The following NCAM1 variants were observed in gnomAD, a reference collection of about 807,000 sequenced individuals.
The protein encoded by NCAM1 is neural cell adhesion molecule 1.
A neutral mutation model predicts 109.8 loss-of-function variants in NCAM1; 14 were observed. The ratio of observed to expected loss-of-function variants is 0.13; its 90% CI spans 0.08 to 0.20. NCAM1 has a LOEUF of 0.20. NCAM1 is among the 10% of genes least tolerant of loss of function. NCAM1 has a pLI of 1.00. For synonymous variants in NCAM1, 418 were observed against 442.9 expected (o/e 0.94, Z 0.70); for missense variants, 774 against 1,109.9 (o/e 0.70, Z 4.30).
chr11:113,249,441 G>A (rs1555120846), intron 15 of NCAM1, among the ~76,000 whole-genome samples: 1 of 152,196 alleles, frequency 6.6e-6, no homozygotes. Context: ...GGGACTGTGG[G>A]CAGGGACTGT....
chr11:113,013,290 A>G (rs1952117627), intron 1 of NCAM1, among the ~76,000 whole-genome samples: 1 of 151,796 alleles, frequency 6.6e-6, no homozygotes, highest in African/African-American at 2.4e-5. Flanking sequence ...TCCAGGCATG[A>G]TGGCGCGTGC....
At chr11:113,262,829 T>C in intron 17 of NCAM1, 3 of 1,613,446 alleles carry the variant, frequency 1.9e-6, no homozygotes, top group South Asian at 2.2e-5. Context: ...TGGGGACCCA[T>C]TGCTTGACAC....
chr11:113,177,363 G>A (rs1342809427), intron 1 of NCAM1, among the ~76,000 whole-genome samples: 5 of 151,998 alleles, frequency 3.3e-5, no homozygotes, highest in East Asian at 1.9e-4. Flanking sequence ...AAATAAGATG[G>A]GATTTGTTTT....
chr11:113,204,191 T>C, intron 2 of NCAM1, 95 bp from the exon 3 acceptor site: 1 of 1,006,442 alleles, frequency 9.9e-7, no homozygotes, highest in East Asian at 2.6e-5. Flanking sequence ...TGATCTGTTG[T>C]TCAGTAACTC....
intron 1 of NCAM1, among the ~76,000 whole-genome samples, chr11:113,142,699 CAG>C (rs1941872653): frequency 6.6e-6 from 1 of 152,168 alleles, no homozygotes; most frequent in Non-Finnish European, 1.5e-5. Context: ...TTTGAGGAAA[CAG>C]AGCTGTTTTC....
chr11:113,009,329 T>TTTTTG (rs1951978838), intron 1 of NCAM1, among the ~76,000 whole-genome samples: 2 of 109,174 alleles, frequency 1.8e-5, no homozygotes, highest in South Asian at 2.9e-4. Flanking sequence ...TTTTTTTTTT[T>TTTTTG]TTTTTTTTTT....
intron 7 of NCAM1, among the ~76,000 whole-genome samples, chr11:113,213,379 C>G (rs148817864): frequency 6.6e-6 from 1 of 152,304 alleles, no homozygotes; most frequent in Admixed American, 6.5e-5. Flanking sequence ...TCAATTTTCT[C>G]TAATGTTTTA....
At chr11:113,212,393 C>G (rs1451102808) in intron 7 of NCAM1, among the ~76,000 whole-genome samples, 1 of 152,130 alleles carries the variant, frequency 6.6e-6, no homozygotes, top group African/African-American at 2.4e-5. Context: ...CACAATGCAC[C>G]TTCTGTAGCC....
intron 1 of NCAM1, among the ~76,000 whole-genome samples, chr11:113,130,354 G>A (rs1941340378): frequency 6.6e-6 from 1 of 152,100 alleles, no homozygotes; most frequent in Admixed American, 6.5e-5. Context: ...AAGACACTGG[G>A]GCACAACACT....
At chr11:113,220,602 C>CTCTTTTTTTTTTT (rs1319361444) in intron 8 of NCAM1, among the ~76,000 whole-genome samples, 2 of 75,592 alleles carry the variant, frequency 2.6e-5, no homozygotes, top group African/African-American at 6.1e-5. Flanking sequence ...CTCTCTCTCT[C>CTCTTTTTTTTTTT]TTTTTTTTTT....
chr11:113,218,533 C>T (rs1403299259), intron 8 of NCAM1, among the ~76,000 whole-genome samples: 1 of 152,132 alleles, frequency 6.6e-6, no homozygotes, highest in Non-Finnish European at 1.5e-5. Context: ...TACTAACTTT[C>T]TAATGGAATA....
intron 1 of NCAM1, among the ~76,000 whole-genome samples, chr11:113,075,214 A>C (rs1314080858): frequency 1.3e-5 from 2 of 151,978 alleles, no homozygotes; most frequent in Non-Finnish European, 2.9e-5. Context: ...GTACAGGTGC[A>C]CACAACCACA....
At position 113,274,645 on chromosome 11, in the gene NCAM1, C is replaced by T. The variant is rs1946366524; in HGVS notation, c.2457-622C>T. Among the ~76,000 whole-genome samples, 1 of 152,204 alleles carries T rather than the reference C, an allele frequency of 6.6e-6. No individual in the cohort carries two copies. Among genetic ancestry groups the T allele is most frequent in the Admixed American group, 6.5e-5 (1 of 15,282 alleles). ...TGCCCACTCAGCTGCCCTCAACTCT[C>T]GCATAGCCACCAGGCCCACTCTAGT... On this transcript the variant is annotated intron_variant, in intron 19 of 19. Transcript: ENST00000316851. The surrounding 1 kb of genome is among the most constrained non-coding windows in gnomAD (Gnocchi z 4.1).
intron 7 of NCAM1, 59 bp from the exon 8 acceptor site, chr11:113,214,310 A>G: frequency 6.3e-7 from 1 of 1,577,510 alleles, no homozygotes; most frequent in Non-Finnish European, 8.7e-7. Context: ...GCATGCCATC[A>G]TTTAAACCCA....
At chr11:113,235,449 A>G in intron 14 of NCAM1, 1 of 677,824 alleles carries the variant, frequency 1.5e-6, no homozygotes, top group East Asian at 3.4e-5. Context: ...TTATTAAAGG[A>G]AGTGGGGAGA....
intron 1 of NCAM1, among the ~76,000 whole-genome samples, chr11:113,193,011 C>T (rs375036686): frequency 1.3e-5 from 2 of 152,214 alleles, no homozygotes; most frequent in Admixed American, 1.3e-4. Context: ...GCAGGACATT[C>T]CTGCCTTCAC....
At chr11:113,245,092 T>A (rs1487226873) in intron 14 of NCAM1, among the ~76,000 whole-genome samples, 1 of 128,234 alleles carries the variant, frequency 7.8e-6, no homozygotes, top group South Asian at 2.3e-4. Context: ...AGAAAAGTGT[T>A]TTTTTTTTTT....
At chr11:113,254,364 C>T (rs1272229362) in intron 15 of NCAM1, among the ~76,000 whole-genome samples, 2 of 152,170 alleles carry the variant, frequency 1.3e-5, no homozygotes, top group Admixed American at 1.3e-4. Context: ...CCTAAATATC[C>T]TCCAGACATT....
At chr11:113,054,779 A>AAGGCAT (rs1953630212) in intron 1 of NCAM1, among the ~76,000 whole-genome samples, 1 of 152,128 alleles carries the variant, frequency 6.6e-6, no homozygotes. Context: ...TGTTGCTTGA[A>AAGGCAT]AGGCATTTGG....
Sources: allele counts gnomAD v4.1 joint callset (sites outside exome capture counted in the v4.1 genomes callset), GRCh38; gene constraint gnomAD v4.1.1; non-coding constraint Gnocchi (gnomAD v3.1); transcripts MANE v1.5; gene names NCBI Gene and HGNC (gene_info 2026-07-23, HGNC 2026-07-21).